SGCD: variants seen among roughly 807,000 people sequenced by gnomAD.
SGCD encodes delta-sarcoglycan.
A neutral mutation model predicts 36.6 loss-of-function variants in SGCD; 18 were observed. The observed-to-expected ratio is 0.49, with a 90% CI of 0.34 to 0.73. The LOEUF (loss-of-function observed/expected upper bound fraction) is 0.73. SGCD is among the 30% of genes least tolerant of loss of function. SGCD has a pLI of 0.01. For synonymous variants in SGCD, 133 were observed against 130.6 expected, an observed-to-expected ratio of 1.02 and a Z score of -0.12; for missense variants, 387 against 346.7, an observed-to-expected ratio of 1.12 and a Z score of -0.92.
At chr5:155,968,830 G>T (rs1757953078) in intron 1 of SGCD, among the ~76,000 whole-genome samples, 1 of 152,076 alleles carries the variant, frequency 6.6e-6, no homozygotes, top group Admixed American at 6.6e-5. Flanking sequence ...ATGTGTGGGT[G>T]TGTCTTCCAG....
chr5:156,508,492 C>T, intron 3 of SGCD, 109 bp from the exon 4 acceptor site: 1 of 660,454 alleles, frequency 1.5e-6, no homozygotes, highest in Non-Finnish European at 2.7e-6. Flanking sequence ...CATTCCACAC[C>T]TTCAAAAATT....
At chr5:156,604,678 G>C in intron 6 of SGCD, among the ~76,000 whole-genome samples, 1 of 128,308 alleles carries the variant, frequency 7.8e-6, no homozygotes, top group East Asian at 2.2e-4. Flanking sequence ...ATTTAAATTA[G>C]TATATATAGT....
intron 3 of SGCD, among the ~76,000 whole-genome samples, chr5:156,349,592 A>G (rs1015734163): frequency 6.6e-6 from 1 of 152,060 alleles, no homozygotes; most frequent in Non-Finnish European, 1.5e-5. Flanking sequence ...ATTAAAAAAA[A>G]TAGATGTTGG....
chr5:156,174,843 T>C (rs1293499917), intron 3 of SGCD, among the ~76,000 whole-genome samples: 1 of 152,152 alleles, frequency 6.6e-6, no homozygotes, highest in East Asian at 1.9e-4. Context: ...GTTGAGGCTA[T>C]AAGAACAGAA....
Position 156,241,251 on chromosome 5 carries a change from C to CGTGTGTGTGTGTGT in SGCD, c.-43-88259_-43-88246dup, listed in dbSNP as rs60843726. Among the ~76,000 whole-genome samples, 256 of 145,174 alleles carry CGTGTGTGTGTGTGT rather than the reference C, an allele frequency of 1.8e-3. 2 individuals are homozygous for CGTGTGTGTGTGTGT. The highest frequency in any genetic ancestry group is 5.6e-3 in the African/African-American group (219 of 39,206). ...ACTGGCCTTGGAAATTAGACCAAAA[C>CGTGTGTGTGTGTGT]GTGTGTGTGTGTGTGTGTGTGTGTG... is the stretch of plus-strand genomic sequence containing the variant. On this transcript the variant is annotated intron_variant, in intron 3 of 9. Transcript: ENST00000517913.
At chr5:156,095,767 G>C (rs1233834270) in intron 1 of SGCD, among the ~76,000 whole-genome samples, 3 of 152,168 alleles carry the variant, frequency 2.0e-5, no homozygotes, top group Non-Finnish European at 4.4e-5. Context: ...CAAGTGGCTG[G>C]GTAAAGAGTC....
intron 1 of SGCD, among the ~76,000 whole-genome samples, chr5:155,970,672 T>C (rs985835897): frequency 6.6e-6 from 1 of 152,166 alleles, no homozygotes; most frequent in Non-Finnish European, 1.5e-5. Context: ...AGTAGTGATA[T>C]TAGGATGTGA....
chr5:156,405,056 A>C (rs1772337072), intron 3 of SGCD, among the ~76,000 whole-genome samples: 1 of 152,208 alleles, frequency 6.6e-6, no homozygotes, highest in Admixed American at 6.5e-5. Context: ...AAGCCCTTCA[A>C]ATCTGGGTAT....
intron 7 of SGCD, among the ~76,000 whole-genome samples, chr5:156,685,959 C>A (rs1343331667): frequency 6.6e-6 from 1 of 152,098 alleles, no homozygotes; most frequent in Non-Finnish European, 1.5e-5. Flanking sequence ...AAAAAGTAAC[C>A]ACTGGGTACT....
At chr5:156,684,160 T>C (rs911514624) in intron 7 of SGCD, among the ~76,000 whole-genome samples, 1 of 152,140 alleles carries the variant, frequency 6.6e-6, no homozygotes, top group Non-Finnish European at 1.5e-5. Context: ...TAAGATGTTA[T>C]GAATTACCAA....
rs537904320 is a variant in SGCD, at chr5:156,179,658, ATTGCCC to A, written c.-44+55640_-44+55645del. ...TTTTTTTGAGACCGATTCTCACTCT[ATTGCCC>A]AGGCTGGAGTGCACTGGCGTGATCT... On this transcript the variant is annotated intron_variant, in intron 3 of 9. Transcript: ENST00000517913. Among the ~76,000 whole-genome samples, 25 of 131,970 alleles carry A rather than the reference ATTGCCC, an allele frequency of 1.9e-4. No individual in the cohort carries two copies. The South Asian group carries it at 5.1e-3, about 27-fold the overall frequency. 86.6% of individuals were successfully genotyped at this position (131,970 alleles called of 152,430 possible). A position where few individuals can be genotyped will look rare whatever the true frequency, so the allele number is the denominator to read the frequency against.
rs181479868 is a variant in SGCD at position 156,121,449 on chromosome 5, G to A, written c.-207-2407G>A. On this transcript the variant is annotated intron_variant, in intron 2 of 9. Transcript: ENST00000517913. ...CAGTGGTGGAACCGGAACCTGAACC[G>A]CAGTAGTAAACCCCAAAGCCTAGTT... 1.4e-4 allele frequency among the ~76,000 whole-genome samples: 22 copies of A among 152,090 alleles called. 1 individual carries two copies. The East Asian group carries it at 2.5e-3, about 17-fold the overall frequency.
chr5:156,619,899 C>G (rs1425454896), intron 6 of SGCD, among the ~76,000 whole-genome samples: 1 of 152,228 alleles, frequency 6.6e-6, no homozygotes, highest in Non-Finnish European at 1.5e-5. Context: ...GCCCTTTAAT[C>G]TTAACTCCTT....
At chr5:156,368,013 T>TAAAAA (rs1300135831) in intron 3 of SGCD, among the ~76,000 whole-genome samples, 1 of 152,192 alleles carries the variant, frequency 6.6e-6, no homozygotes, top group Non-Finnish European at 1.5e-5. Flanking sequence ...CTAAAACCTA[T>TAAAAA]CCTAGCCTTT....
In SGCD at chr5:156,087,244, A is replaced by G. The variant is rs772728271; in HGVS notation, c.-281-30634A>G. Among the ~76,000 whole-genome samples, 37 of 152,294 alleles carry G rather than the reference A, an allele frequency of 2.4e-4. No individual in the cohort carries two copies. In the Middle Eastern group the frequency reaches 0.01, roughly 42 times the overall value. On this transcript the variant is annotated intron_variant, in intron 1 of 9. Transcript: ENST00000517913. Reference sequence around the variant, plus strand: ...ACGTGATGTGAATTTGTTTATGCATATTATTTAGGGCTAATGAGATATTTC... The same window carrying G: ...ACGTGATGTGAATTTGTTTATGCATGTTATTTAGGGCTAATGAGATATTTC...
chr5:156,608,854 C>A (rs1374112715), intron 6 of SGCD, among the ~76,000 whole-genome samples: 1 of 151,948 alleles, frequency 6.6e-6, no homozygotes, highest in African/African-American at 2.4e-5. Context: ...TTATCCGAGA[C>A]TAGGATTGCA....
At chr5:156,688,358 C>G (rs775498606) in intron 7 of SGCD, among the ~76,000 whole-genome samples, 7 of 152,174 alleles carry the variant, frequency 4.6e-5, no homozygotes, top group Non-Finnish European at 1.0e-4. Flanking sequence ...ACAGCAAGTA[C>G]TGTTTATAAT....
intron 3 of SGCD, among the ~76,000 whole-genome samples, chr5:156,155,384 C>T (rs1762932388): frequency 6.6e-6 from 1 of 151,438 alleles, no homozygotes; most frequent in African/African-American, 2.4e-5. Flanking sequence ...TGTTGCCAGA[C>T]CTTTAGTGTT....
At chr5:155,798,247 A>G in the SGCD span, among the ~76,000 whole-genome samples, 1 of 152,220 alleles carries the variant, frequency 6.6e-6, no homozygotes, top group African/African-American at 2.4e-5. Context: ...GCTGCCAGAC[A>G]TAGGTTCTGG....
Sources: gnomAD v4.1 joint callset for allele counts (sites outside exome capture counted in the v4.1 genomes callset) on GRCh38, gnomAD v4.1.1 for gene constraint, MANE v1.5 for transcripts, NCBI Gene and HGNC (gene_info 2026-07-23, HGNC 2026-07-21) for gene names.